CACNA2D1: variants seen among roughly 807,000 people sequenced by gnomAD.
CACNA2D1 encodes voltage-dependent calcium channel subunit alpha-2/delta-1.
In CACNA2D1, 53 loss-of-function variants were observed where a neutral mutation model predicts 171.5. The observed-to-expected ratio is 0.31, with a 90% CI of 0.25 to 0.39. CACNA2D1 has a LOEUF of 0.39. Among genes scored for constraint, CACNA2D1 ranks in the 10% least tolerant of loss-of-function variants. CACNA2D1 has a pLI of 1.00. For missense variants in CACNA2D1, 903 were observed against 1,299.8 expected (o/e 0.69, Z 4.69); for synonymous variants, 442 against 443.1 (o/e 1.00, Z 0.03).
intron 3 of CACNA2D1, among the ~76,000 whole-genome samples, chr7:82,173,858 G>A (rs1221968477): frequency 6.6e-6 from 1 of 151,432 alleles, no homozygotes; most frequent in Non-Finnish European, 1.5e-5. Flanking sequence ...AGCCTGGGCA[G>A]CATAGTGAGA....
intron 2 of CACNA2D1, among the ~76,000 whole-genome samples, chr7:82,345,267 T>C (rs138390602): frequency 6.6e-6 from 1 of 152,324 alleles, no homozygotes; most frequent in African/African-American, 2.4e-5. Context: ...TTTATACACA[T>C]TTCATATTTA....
At chr7:82,303,125 C>T (rs1813248632) in intron 3 of CACNA2D1, among the ~76,000 whole-genome samples, 1 of 152,122 alleles carries the variant, frequency 6.6e-6, no homozygotes, top group Non-Finnish European at 1.5e-5. Flanking sequence ...TCCTGAGTAG[C>T]TGGGACTACA....
Position 82,280,669 on chromosome 7 carries a change from A to G in CACNA2D1, c.294+54466T>C, listed in dbSNP as rs1462616606. On this transcript the variant is annotated intron_variant, in intron 3 of 38. Transcript: ENST00000356860. ...CCCCTTTTACATAGAAACCTTACTTATTAATTATTTTAATTTAATTTTATT... is the reference window on the plus strand; with the variant it reads ...CCCCTTTTACATAGAAACCTTACTTGTTAATTATTTTAATTTAATTTTATT... 2.0e-5 allele frequency among the ~76,000 whole-genome samples: 3 copies of G among 152,236 alleles called. No homozygotes were observed. The East Asian group carries it at 5.8e-4, about 29-fold the overall frequency.
chr7:82,321,118 G>A (rs1172109716), intron 3 of CACNA2D1, among the ~76,000 whole-genome samples: 4 of 152,256 alleles, frequency 2.6e-5, no homozygotes, highest in African/African-American at 7.2e-5. Flanking sequence ...TGAGATGGGT[G>A]CTGGGCGCAA....
intron 1 of CACNA2D1, among the ~76,000 whole-genome samples, chr7:82,383,795 T>C (rs1157778578): frequency 1.3e-5 from 2 of 152,224 alleles, no homozygotes; most frequent in Non-Finnish European, 2.9e-5. Flanking sequence ...TTTACTAATA[T>C]ACACATGCTA....
At chr7:82,040,875 T>G (rs145092219) in intron 10 of CACNA2D1, among the ~76,000 whole-genome samples, 2,601 of 152,228 alleles carry the variant, frequency 0.017, 68 homozygotes, top group African/African-American at 0.06. Context: ...CTCATGAGGC[T>G]GAGGCAGGAG....
chr7:82,205,920 T>C (rs1334901938), intron 3 of CACNA2D1, among the ~76,000 whole-genome samples: 2 of 152,160 alleles, frequency 1.3e-5, no homozygotes, highest in African/African-American at 4.8e-5. Context: ...TTTTGATAGA[T>C]ATATAACTTA....
chr7:82,215,032 G>C (rs181388225), intron 3 of CACNA2D1, among the ~76,000 whole-genome samples: 56 of 152,152 alleles, frequency 3.7e-4, no homozygotes, highest in Middle Eastern at 6.8e-3. Flanking sequence ...AGAGTTTTTG[G>C]CTAAACAGAG....
intron 3 of CACNA2D1, among the ~76,000 whole-genome samples, chr7:82,298,229 C>T (rs1358188327): frequency 6.6e-6 from 1 of 152,104 alleles, no homozygotes; most frequent in Non-Finnish European, 1.5e-5. Flanking sequence ...CAGGGCAATG[C>T]AGACATTCCC....
chr7:82,399,719 C>T (rs1373152416), intron 1 of CACNA2D1, among the ~76,000 whole-genome samples: 1 of 133,870 alleles, frequency 7.5e-6, no homozygotes, highest in African/African-American at 2.8e-5. Flanking sequence ...CCACCCCATA[C>T]ACACACCTTC....
intron 38 of CACNA2D1, among the ~76,000 whole-genome samples, chr7:81,956,699 ACTCCATTCATAGTAATGGCCACAT>A (rs1278294056): frequency 1.3e-5 from 2 of 151,824 alleles, no homozygotes; most frequent in African/African-American, 4.8e-5. Context: ...CTGTGAATTC[ACTCCATTCATAGTAATGGCCACAT>A]CTCCATCTAG....
At chr7:82,167,808 A>C (rs2129143396) in intron 4 of CACNA2D1, among the ~76,000 whole-genome samples, 1 of 152,054 alleles carries the variant, frequency 6.6e-6, no homozygotes, top group East Asian at 1.9e-4. Flanking sequence ...ACAGGCCCTA[A>C]ATAAATTGTG....
chr7:82,177,747 T>C (rs1276496586), intron 3 of CACNA2D1, among the ~76,000 whole-genome samples: 2 of 152,108 alleles, frequency 1.3e-5, no homozygotes, highest in Non-Finnish European at 2.9e-5. Context: ...GCACTCATGA[T>C]GCAATTTGAA....
At chr7:82,298,392 A>G (rs1208968709) in intron 3 of CACNA2D1, among the ~76,000 whole-genome samples, 1 of 152,178 alleles carries the variant, frequency 6.6e-6, no homozygotes, top group Non-Finnish European at 1.5e-5. Flanking sequence ...TATATATTTC[A>G]GAAACATAAT....
rs773681677 is a variant in CACNA2D1, at chr7:82,084,746, T to C, written c.658+23A>G. On this transcript the variant is annotated intron_variant, in intron 7 of 38. Coordinates refer to ENST00000356860, the MANE Select transcript of CACNA2D1 (RefSeq NM_000722.4). ...AAACATTGAGGCTGGAACTTGACAA[T>C]GATTGAATCACTAAGCACCTACCTG... 4.3e-6 allele frequency: 7 copies of C among 1,613,718 alleles called. No homozygotes were observed. In the Admixed American group the frequency reaches 6.7e-5, roughly 15 times the overall value.
chr7:82,021,770 T>A (rs556950986), intron 12 of CACNA2D1, among the ~76,000 whole-genome samples: 119 of 152,018 alleles, frequency 7.8e-4, no homozygotes, highest in African/African-American at 2.8e-3. Context: ...GGTGCTGAAA[T>A]AGAGAATGAT....
intron 1 of CACNA2D1, among the ~76,000 whole-genome samples, chr7:82,438,600 C>T (rs868764447): frequency 6.6e-6 from 1 of 152,154 alleles, no homozygotes; most frequent in African/African-American, 2.4e-5. Context: ...GTGTAAGCTA[C>T]ATGGTTGGCC....
chr7:82,411,332 G>C (rs960520020), intron 1 of CACNA2D1, among the ~76,000 whole-genome samples: 3 of 152,154 alleles, frequency 2.0e-5, no homozygotes, highest in Admixed American at 2.0e-4. Context: ...CAGAACAGGT[G>C]ATTTATTAAC....
intron 7 of CACNA2D1, among the ~76,000 whole-genome samples, chr7:82,069,197 CAA>C (rs1808021920): frequency 6.6e-6 from 1 of 152,094 alleles, no homozygotes; most frequent in East Asian, 1.9e-4. Flanking sequence ...TATGAAAGAT[CAA>C]AGAGTAAAAA....
Sources: gnomAD v4.1 joint callset for allele counts (sites outside exome capture counted in the v4.1 genomes callset) on GRCh38, gnomAD v4.1.1 for gene constraint, MANE v1.5 for transcripts, NCBI Gene and HGNC (gene_info 2026-07-23, HGNC 2026-07-21) for gene names.